The following PDE3A variants were observed in gnomAD, a reference collection of about 807,000 sequenced individuals.
The protein encoded by PDE3A is cGMP-inhibited 3',5'-cyclic phosphodiesterase 3A.
PDE3A carries 43 observed loss-of-function variants against 98.3 expected under a neutral mutation model. The observed-to-expected ratio is 0.44, with a 90% CI of 0.34 to 0.56. PDE3A has a LOEUF of 0.56. PDE3A is among the 20% of genes least tolerant of loss of function. PDE3A has a pLI of 0.01. For synonymous variants in PDE3A, 663 were observed against 567.9 expected, an observed-to-expected ratio of 1.17 and a Z score of -2.38; for missense variants, 1,427 against 1,440.7, an observed-to-expected ratio of 0.99 and a Z score of 0.15.
chr12:20,429,738 A>G (rs1334919124), intron 1 of PDE3A, among the ~76,000 whole-genome samples: 3 of 152,176 alleles, frequency 2.0e-5, no homozygotes, highest in Non-Finnish European at 2.9e-5. Context: ...CAATAGAAAA[A>G]GTATGTTTAA....
intron 15 of PDE3A, among the ~76,000 whole-genome samples, chr12:20,657,206 G>A (rs1490380960): frequency 2.0e-5 from 3 of 152,076 alleles, no homozygotes; most frequent in Non-Finnish European, 4.4e-5. Context: ...GAAATGAAGG[G>A]GGAATCAATG....
At chr12:20,621,600 G>A (rs1483220060) in intron 5 of PDE3A, among the ~76,000 whole-genome samples, 189 bp downstream of exon 5, 1 of 152,024 alleles carries the variant, frequency 6.6e-6, no homozygotes, top group African/African-American at 2.4e-5. Flanking sequence ...TCTACCTTAT[G>A]TGATAATACA....
chr12:20,616,568 A>C (rs557104386), intron 4 of PDE3A, among the ~76,000 whole-genome samples, 184 bp downstream of exon 4: 2 of 152,294 alleles, frequency 1.3e-5, no homozygotes, highest in East Asian at 3.9e-4. Flanking sequence ...AATTAGGCTT[A>C]ACATCTGTTG....
chr12:20,521,528 A>G (rs575147879), intron 1 of PDE3A, among the ~76,000 whole-genome samples: 4 of 152,340 alleles, frequency 2.6e-5, no homozygotes, highest in Admixed American at 2.6e-4. Flanking sequence ...CCAATTTGAT[A>G]CACAGTCCAT....
At chr12:20,599,611 G>GTATC (rs1943541701) in intron 2 of PDE3A, among the ~76,000 whole-genome samples, 1 of 152,050 alleles carries the variant, frequency 6.6e-6, no homozygotes, top group Non-Finnish European at 1.5e-5. Context: ...CATGGAAAAG[G>GTATC]TATCTCCCAT....
intron 1 of PDE3A, among the ~76,000 whole-genome samples, chr12:20,387,071 T>A (rs1202161437): frequency 6.6e-6 from 1 of 152,064 alleles, no homozygotes; most frequent in Admixed American, 6.6e-5. Flanking sequence ...TTGTTGAAGA[T>A]CAGATGGTTG....
intron 15 of PDE3A, among the ~76,000 whole-genome samples, chr12:20,655,131 T>G (rs1945014427): frequency 6.6e-6 from 1 of 152,176 alleles, no homozygotes; most frequent in Admixed American, 6.5e-5. Context: ...CAGTATTATT[T>G]ACTGTAGTGA....
At chr12:20,665,920 G>A (rs1945296220) in intron 15 of PDE3A, among the ~76,000 whole-genome samples, 1 of 149,828 alleles carries the variant, frequency 6.7e-6, no homozygotes, top group Non-Finnish European at 1.5e-5. Context: ...ATTAAATCAG[G>A]ATATTTAGAA....
At chr12:20,438,975 A>G (rs985285631) in intron 1 of PDE3A, among the ~76,000 whole-genome samples, 1 of 152,004 alleles carries the variant, frequency 6.6e-6, no homozygotes, top group African/African-American at 2.4e-5. Flanking sequence ...TTGTGTTTTT[A>G]GTGAAGACGG....
chr12:20,560,580 C>T (rs1339879821), intron 2 of PDE3A, among the ~76,000 whole-genome samples: 1 of 152,082 alleles, frequency 6.6e-6, no homozygotes, highest in African/African-American at 2.4e-5. Flanking sequence ...CTTGGAAGAG[C>T]TTTGTTTTAA....
chr12:20,648,494 A>G (rs1265568446), intron 12 of PDE3A, among the ~76,000 whole-genome samples, 194 bp from the exon 13 acceptor site: 1 of 152,082 alleles, frequency 6.6e-6, no homozygotes, highest in Non-Finnish European at 1.5e-5. Context: ...TTTATCTTAC[A>G]AAAAGTGGAA....
intron 2 of PDE3A, among the ~76,000 whole-genome samples, chr12:20,575,779 A>G (rs563270530): frequency 2.0e-5 from 3 of 151,946 alleles, no homozygotes; most frequent in African/African-American, 7.2e-5. Flanking sequence ...TTTAAGCTCA[A>G]AGTTCTTGAT....
intron 1 of PDE3A, among the ~76,000 whole-genome samples, chr12:20,467,433 G>A (rs1262723186): frequency 6.6e-6 from 1 of 151,602 alleles, no homozygotes; most frequent in African/African-American, 2.4e-5. Context: ...TCTAGATGTT[G>A]TCACAGGAAA....
At chr12:20,661,340 A>G (rs1945165646) in intron 15 of PDE3A, among the ~76,000 whole-genome samples, 1 of 152,230 alleles carries the variant, frequency 6.6e-6, no homozygotes, top group Non-Finnish European at 1.5e-5. Context: ...CAGTCTGGCA[A>G]TGCAATAGAA....
intron 2 of PDE3A, among the ~76,000 whole-genome samples, chr12:20,584,495 G>A (rs1164946111): frequency 6.6e-6 from 1 of 152,000 alleles, no homozygotes; most frequent in African/African-American, 2.4e-5. Flanking sequence ...ACCAGGACAG[G>A]ATTTATACGC....
chr12:20,605,578 A>G (rs186795518), intron 2 of PDE3A, among the ~76,000 whole-genome samples: 56 of 152,268 alleles, frequency 3.7e-4, no homozygotes, highest in Admixed American at 1.4e-3. Flanking sequence ...AGGGACCTTC[A>G]AAAGATCCCG....
intron 1 of PDE3A, among the ~76,000 whole-genome samples, chr12:20,539,086 A>G (rs1299098128): frequency 6.6e-6 from 1 of 152,114 alleles, no homozygotes; most frequent in Non-Finnish European, 1.5e-5. Flanking sequence ...CTTACTTTCT[A>G]AAATGGAAGA....
chr12:20,619,592 A>C (rs1159903565), intron 4 of PDE3A, among the ~76,000 whole-genome samples: 1 of 152,126 alleles, frequency 6.6e-6, no homozygotes, highest in African/African-American at 2.4e-5. Flanking sequence ...GAAAATAGTC[A>C]GTGTTGTTAT....
intron 2 of PDE3A, among the ~76,000 whole-genome samples, chr12:20,565,211 C>T: frequency 6.6e-6 from 1 of 151,958 alleles, no homozygotes; most frequent in East Asian, 1.9e-4. Flanking sequence ...GAAAAATTTC[C>T]AGCTCTCAAG....
Sources: allele counts gnomAD v4.1 joint callset (sites outside exome capture counted in the v4.1 genomes callset), GRCh38; gene constraint gnomAD v4.1.1; transcripts MANE v1.5; gene names NCBI Gene and HGNC (gene_info 2026-07-23, HGNC 2026-07-21).